TMEM63B: variants seen among roughly 807,000 people sequenced by gnomAD.
The protein encoded by TMEM63B is mechanosensitive cation channel TMEM63B.
Under a neutral mutation model 102.6 loss-of-function variants are expected in TMEM63B, and 23 were observed. The observed-to-expected ratio is 0.22, with a 90% CI of 0.16 to 0.32. The LOEUF is 0.32. Ranked by LOEUF, TMEM63B falls within the 10% of genes least tolerant of loss-of-function variation. The pLI is 1.00. For synonymous variants in TMEM63B, 444 were observed against 437.0 expected (o/e 1.02, Z -0.20); for missense variants, 628 against 1,095.9 (o/e 0.57, Z 6.03).
At position 44,134,624 on chromosome 6, in the gene TMEM63B, C is replaced by G. The variant is rs759200527; in HGVS notation, c.40C>G (p.Leu14Val). The change falls in exon 2 of 24, where the codon CTC becomes GTC. Residue 14 changes from leucine to valine, a missense_variant. By Grantham distance (32) the Leu-to-Val change is conservative. Transcript: ENST00000323267. ...GCTGGCCACACTGGGCACCACAGCC[C>G]TCAACAACAGCAACCCCAAGGACTA... Reference protein sequence around the residue: ...FLLATLGTTALNNSNPKDYCY... With the variant: ...FLLATLGTTAVNNSNPKDYCY... The G allele has an allele frequency of 6.2e-7, 1 of 1,614,174 alleles. No homozygotes were observed. The highest frequency in any genetic ancestry group is 1.7e-5 in the Admixed American group (1 of 60,034).
chr6:44,133,827 A>G (rs559431632), intron 1 of TMEM63B, among the ~76,000 whole-genome samples: 5 of 152,360 alleles, frequency 3.3e-5, no homozygotes, highest in African/African-American at 1.2e-4. Context: ...AGGCAGGAGC[A>G]TGGCACTCTG....
In TMEM63B at chr6:44,152,440, C is replaced by T. The variant is rs184713620; in HGVS notation, c.1837-153C>T. ...CGGCCATAGCCCCTCTCTCCATCTG[C>T]TCTGCCCTACCCTACCCTAGACATT... On this transcript the variant is annotated intron_variant, in intron 19 of 23. Coordinates refer to ENST00000323267, the MANE Select transcript of TMEM63B (RefSeq NM_018426.3). The surrounding 1 kb of genome is among the most constrained non-coding windows in gnomAD (Gnocchi z 6.4). 2.0e-3 allele frequency among the ~76,000 whole-genome samples: 304 copies of T among 152,180 alleles called. 3 individuals carry two copies. Among genetic ancestry groups the T allele is most frequent in the African/African-American group, 7.1e-3 (294 of 41,508 alleles).
intron 5 of TMEM63B, among the ~76,000 whole-genome samples, 196 bp downstream of exon 5, chr6:44,136,635 A>C (rs1763019817): frequency 6.6e-6 from 1 of 152,218 alleles, no homozygotes; most frequent in Non-Finnish European, 1.5e-5. Flanking sequence ...CCTCTATGTC[A>C]CAGTCTCCAA....
At chr6:44,140,102 G>T in intron 8 of TMEM63B, 150 bp from the exon 9 acceptor site, 1 of 658,898 alleles carries the variant, frequency 1.5e-6, no homozygotes, top group Non-Finnish European at 2.6e-6. Context: ...TGTGGGATGT[G>T]GGCCTGCCTT....
In TMEM63B at chr6:44,150,243, A is replaced by T. The variant is rs1766322328; in HGVS notation, c.1540A>T (p.Thr514Ser). Residue 514 changes from threonine (T) to serine (S), a missense_variant, in exon 17 of 24, where the codon ACC (threonine) becomes TCC (serine). By Grantham distance (58) the Thr-to-Ser change is moderately conservative. This residue lies in a region of TMEM63B where 61 missense variants were observed against 176.0 expected (regional missense o/e 0.35). Transcript: ENST00000323267. This position sits in a 1 kb window ranked among gnomAD's most constrained non-coding sequence, Gnocchi z 4.7. Reference sequence around the variant, plus strand: ...CTCCAGCTCTGGGGAGAACAGGACAACCATGCACAAGTGCTACACTTTCCT... The same window carrying T: ...CTCCAGCTCTGGGGAGAACAGGACATCCATGCACAAGTGCTACACTTTCCT... ...HWTRSGENRT[T>S]MHKCYTFLIF... is the part of the protein sequence containing the mutation. 6.2e-7 allele frequency: 1 copy of T among 1,613,820 alleles called. No homozygotes were observed. Among genetic ancestry groups the T allele is most frequent in the Non-Finnish European group, 8.5e-7 (1 of 1,179,994 alleles).
At chr6:44,139,005 C>T (rs1360955501) in intron 6 of TMEM63B, 1 of 254,250 alleles carries the variant, frequency 3.9e-6, no homozygotes, top group African/African-American at 2.2e-5. Flanking sequence ...GGCTCAGCCA[C>T]ACCCATGAGG....
intron 15 of TMEM63B, among the ~76,000 whole-genome samples, chr6:44,149,479 C>T (rs893430522): frequency 3.3e-5 from 5 of 152,142 alleles, no homozygotes; most frequent in Non-Finnish European, 7.3e-5. Flanking sequence ...TAGATAAGAC[C>T]CAGACTGCAT....
Position 44,140,235 on chromosome 6 carries a change from C to T in TMEM63B, c.603-17C>T, listed in dbSNP as rs1763957791. 6.2e-7 allele frequency: 1 copy of T among 1,607,826 alleles called. No homozygotes were observed. Among genetic ancestry groups the T allele is most frequent in the Non-Finnish European group, 8.5e-7 (1 of 1,174,604 alleles). ...CTAGCCCCAGTGGCTCCCATGTATCCTCTCTGCTTCTCCCAGGAACAACCT... is the reference window on the plus strand; with the variant it reads ...CTAGCCCCAGTGGCTCCCATGTATCTTCTCTGCTTCTCCCAGGAACAACCT... On this transcript the variant is annotated splice_polypyrimidine_tract_variant and intron_variant, in intron 8 of 23. Transcript: ENST00000323267.
At chr6:44,149,191 A>G in intron 15 of TMEM63B, 1 of 576,944 alleles carries the variant, frequency 1.7e-6, no homozygotes. Flanking sequence ...GCCTGCATTT[A>G]GTCCTGATCT....
At chr6:44,135,520 G>C (rs1383730429) in intron 4 of TMEM63B, among the ~76,000 whole-genome samples, 154 bp downstream of exon 4, 1 of 152,194 alleles carries the variant, frequency 6.6e-6, no homozygotes, top group Non-Finnish European at 1.5e-5. Flanking sequence ...GGTGTGCTTT[G>C]CAGAGCAGGG....
Position 44,154,059 on chromosome 6 carries a change from C to A in TMEM63B, c.2111-14C>A, listed in dbSNP as rs773314481. On this transcript the variant is annotated splice_polypyrimidine_tract_variant and intron_variant, in intron 21 of 23. Transcript: ENST00000323267. ...CAGGAGATAGCAACCCCATTCTTTG[C>A]CCCCCAACACCAGGGTTCCTAGCTC... 1 of 1,611,508 alleles carries A rather than the reference C, an allele frequency of 6.2e-7. No individual in the cohort carries two copies. The highest frequency in any genetic ancestry group is 1.7e-5 in the Admixed American group (1 of 59,998).
Position 44,152,474 on chromosome 6 carries a change from T to C in TMEM63B, c.1837-119T>C. 1 of 750,606 alleles carries C rather than the reference T, an allele frequency of 1.3e-6. No homozygotes were observed. The highest frequency in any genetic ancestry group is 2.3e-6 in the Non-Finnish European group (1 of 435,804). 46.5% of individuals were successfully genotyped at this position (750,606 alleles called of 1,614,324 possible). On this transcript the variant is annotated intron_variant, in intron 19 of 23. Transcript: ENST00000323267. The surrounding 1 kb of genome is among the most constrained non-coding windows in gnomAD (Gnocchi z 6.4). ...ACCCTACCCTAGACATTAGGTCCTG[T>C]TCCCCATGGCTTCTTTTCCGGCCCC...
rs938414232 is a variant in TMEM63B, at chr6:44,143,719, C to T, written c.782+2621C>T. Among the ~76,000 whole-genome samples, 4 of 151,906 alleles carry T rather than the reference C, an allele frequency of 2.6e-5. No individual in the cohort carries two copies. In the South Asian group the frequency reaches 6.2e-4, roughly 24 times the overall value. On this transcript the variant is annotated intron_variant, in intron 10 of 23. Coordinates refer to ENST00000323267, the MANE Select transcript of TMEM63B (RefSeq NM_018426.3). ...TTAGTGGGGAGGGGTGGACAGGGACCGGATGAACTAGTAATAGAGACTGTG... is the reference window on the plus strand; with the variant it reads ...TTAGTGGGGAGGGGTGGACAGGGACTGGATGAACTAGTAATAGAGACTGTG...
Position 44,150,497 on chromosome 6 carries a change from A to G in TMEM63B, c.1608-67A>G. 7 of 1,519,774 alleles carry G rather than the reference A, an allele frequency of 4.6e-6. No individual in the cohort carries two copies. The highest frequency in any genetic ancestry group is 6.4e-6 in the Non-Finnish European group (7 of 1,095,296). The allele number at this position is 1,519,774 out of a possible 1,614,324, so 94.1% of individuals were successfully genotyped here. A position where few individuals can be genotyped will look rare whatever the true frequency, so the allele number is the denominator to read the frequency against. The stretch of plus-strand genomic sequence containing the variant: ...CTCCCCAGTGGCTCACAGAGGAGGG[A>G]CTTCCCCTCCCCTGGTGTTCTGTAC... On this transcript the variant is annotated intron_variant, in intron 17 of 23. Transcript: ENST00000323267. The surrounding 1 kb of genome is among the most constrained non-coding windows in gnomAD (Gnocchi z 4.7).
intron 1 of TMEM63B, among the ~76,000 whole-genome samples, chr6:44,129,349 C>T (rs1210666527): frequency 8.5e-6 from 1 of 117,554 alleles, no homozygotes; most frequent in Non-Finnish European, 1.6e-5. Flanking sequence ...GCCTGGGTGA[C>T]AGAGCAAGAC....
intron 1 of TMEM63B, among the ~76,000 whole-genome samples, chr6:44,128,079 GC>G (rs2128210950): frequency 6.6e-6 from 1 of 152,066 alleles, no homozygotes; most frequent in East Asian, 1.9e-4. Flanking sequence ...AGCCGCCCCC[GC>G]CCCCGAGTTT....
At position 44,154,457 on chromosome 6, in the gene TMEM63B, CA is replaced by C; in HGVS notation, c.2307+14del. On this transcript the variant is annotated intron_variant, in intron 23 of 23. Transcript: ENST00000323267. ...TCCCCAAATCTGCGGTGAGTGCCCT[CA>C]AGGGTTGGGAGGGGCCTCTGACAGA... 1 of 1,613,900 alleles carries C rather than the reference CA, an allele frequency of 6.2e-7. No individual in the cohort carries two copies. Among genetic ancestry groups the C allele is most frequent in the Non-Finnish European group, 8.5e-7 (1 of 1,179,902 alleles).
chr6:44,128,474 A>G (rs372671208), intron 1 of TMEM63B, among the ~76,000 whole-genome samples: 340 of 152,328 alleles, frequency 2.2e-3, no homozygotes, highest in African/African-American at 7.5e-3. Context: ...CCTAAGGCGG[A>G]CAGTCCCAAA....
At position 44,148,136 on chromosome 6, in the gene TMEM63B, A is replaced by AT; in HGVS notation, c.988-115dup. Reference sequence around the variant, plus strand: ...AGACGCTGTTTCCAAAAAAAAAAAAATGCTTAGAGGAGCAGTGCCTGGCTT... The same window carrying AT: ...AGACGCTGTTTCCAAAAAAAAAAAAATTGCTTAGAGGAGCAGTGCCTGGCTT... On this transcript the variant is annotated intron_variant, in intron 12 of 23. Transcript: ENST00000323267. The surrounding 1 kb of genome is among the most constrained non-coding windows in gnomAD (Gnocchi z 5.1). 6.2e-6 allele frequency: 9 copies of AT among 1,450,460 alleles called. No homozygotes were observed. The highest frequency in any genetic ancestry group is 8.3e-6 in the Non-Finnish European group (9 of 1,083,300). The allele number at this position is 1,450,460 out of a possible 1,614,324, so 89.8% of individuals were successfully genotyped here.
Sources: gnomAD v4.1 joint callset for allele counts (sites outside exome capture counted in the v4.1 genomes callset) on GRCh38, gnomAD v4.1.1 for gene constraint, gnomAD v4.1.1 regional missense constraint, Gnocchi (gnomAD v3.1) non-coding constraint, MANE v1.5 for transcripts, NCBI Gene and HGNC (gene_info 2026-07-23, HGNC 2026-07-21) for gene names.